NKX2-2: variants seen among roughly 807,000 people sequenced by gnomAD.
NKX2-2 encodes homeobox protein Nkx-2.2.
In NKX2-2, 8 loss-of-function variants were observed where a neutral mutation model predicts 24.6. The observed-to-expected ratio is 0.32, with a 90% CI of 0.19 to 0.59. NKX2-2 has a LOEUF of 0.59. Among genes scored for constraint, NKX2-2 ranks in the 20% least tolerant of loss-of-function variants. The probability of loss-of-function intolerance (pLI) is 0.86; values close to 1 mark genes in which losing one functional copy is unlikely to be tolerated. For synonymous variants in NKX2-2, 217 were observed against 173.3 expected (o/e 1.25, Z -1.98); for missense variants, 381 against 373.9 (o/e 1.02, Z -0.16).
chr20:21,521,446 C>T, the NKX2-2 span, among the ~76,000 whole-genome samples: 1 of 152,098 alleles, frequency 6.6e-6, no homozygotes, highest in Non-Finnish European at 1.5e-5. Flanking sequence ...CACTCGCCTC[C>T]CAAACTCCAG....
In NKX2-2 at chr20:21,511,425, T is replaced by G. The variant is rs117031945; in HGVS notation, c.*498A>C. 1 of 152,896 alleles carries G rather than the reference T, an allele frequency of 6.5e-6. No homozygotes were observed. Among genetic ancestry groups the G allele is most frequent in the Non-Finnish European group, 1.5e-5 (1 of 68,204 alleles). The allele number at this position is 152,896 out of a possible 1,614,324, so 9.5% of individuals were successfully genotyped here. On this transcript the variant is annotated 3_prime_UTR_variant, in exon 2 of 2. Coordinates refer to ENST00000377142, the MANE Select transcript of NKX2-2 (RefSeq NM_002509.4). ...AGAACGTTTACATGGCCATAAATAT[T>G]TAGCATTTTCTTATTTTTTTTTAAA...
chr20:21,513,449 G>T lies in NKX2-2; in HGVS notation c.221C>A (p.Thr74Lys), dbSNP rs776662702. The change falls in exon 1 of 2, where the codon ACG (threonine) becomes AAG (lysine). Residue 74 changes from threonine (T) to lysine (K), a missense_variant. This residue lies in a region of NKX2-2 where 206 missense variants were observed against 173.1 expected (regional missense o/e 1.19). Coordinates refer to ENST00000377142, the MANE Select transcript of NKX2-2 (RefSeq NM_002509.4). This position sits in a 1 kb window ranked among gnomAD's most constrained non-coding sequence, Gnocchi z 4.6. ...GCCCTCGGTGCTGGCCAGCCAGCGC[G>T]TGTACGGGTTGTCGCTGCTGTCGTA... ...PFYDSSDNPYTRWLASTEGLQ... is the reference protein window; with the variant it reads ...PFYDSSDNPYKRWLASTEGLQ... 1 of 1,600,434 alleles carries T rather than the reference G, an allele frequency of 6.2e-7. No individual in the cohort carries two copies. Among genetic ancestry groups the T allele is most frequent in the South Asian group, 1.1e-5 (1 of 88,524 alleles).
At chr20:21,519,729 A>G in the NKX2-2 span, among the ~76,000 whole-genome samples, 1 of 152,212 alleles carries the variant, frequency 6.6e-6, no homozygotes, top group Admixed American at 6.5e-5. Flanking sequence ...CCAGAAAATG[A>G]AAATCCATCC....
At chr20:21,515,158 A>G (rs575030748), upstream of NKX2-2, among the ~76,000 whole-genome samples, 3 of 152,132 alleles carry the variant, frequency 2.0e-5, no homozygotes, top group Admixed American at 2.0e-4. Flanking sequence ...AGGAAAGGGC[A>G]GACGGCCCTG....
At chr20:21,514,873 C>T (rs1398770662), upstream of NKX2-2, among the ~76,000 whole-genome samples, 2 of 152,238 alleles carry the variant, frequency 1.3e-5, no homozygotes, top group African/African-American at 2.4e-5. Flanking sequence ...AGCTCCGCTC[C>T]GGGCCGGCCA....
upstream of NKX2-2, among the ~76,000 whole-genome samples, chr20:21,514,615 G>C (rs928885737): frequency 1.3e-5 from 2 of 152,024 alleles, no homozygotes; most frequent in African/African-American, 4.8e-5. Context: ...CCCACCCCCG[G>C]CAAGCCGGAA....
At chr20:21,517,478 C>T (rs1474221867), upstream of NKX2-2, among the ~76,000 whole-genome samples, 7 of 152,232 alleles carry the variant, frequency 4.6e-5, no homozygotes, top group Non-Finnish European at 7.3e-5. Context: ...GTTCCCGCGT[C>T]CATTTCCAGA....
Position 21,512,286 on chromosome 20 carries a change from C to A in NKX2-2, c.459G>T (p.Leu153=), listed in dbSNP as rs1238749869. ...LERRFRQQRY[L]SAPEREHLAS... is the part of the protein sequence containing the mutation. The stretch of plus-strand genomic sequence containing the variant: ...CCAGGTGTTCGCGCTCGGGCGCCGA[C>A]AGGTACCGCTGCTGCCGAAAGCGCC... The change falls in exon 2 of 2, where the codon CTG becomes CTT. Residue 153 remains leucine, a synonymous_variant. Transcript: ENST00000377142. 7.6e-5 allele frequency: 122 copies of A among 1,613,500 alleles called. No individual in the cohort carries two copies. Among genetic ancestry groups the A allele is most frequent in the Non-Finnish European group, 1.0e-4 (121 of 1,179,942 alleles).
upstream of NKX2-2, among the ~76,000 whole-genome samples, chr20:21,515,603 G>C (rs1044466554): frequency 6.6e-6 from 1 of 151,876 alleles, no homozygotes; most frequent in Non-Finnish European, 1.5e-5. Flanking sequence ...TTTTTGGGGG[G>C]GGGGTGCAGG....
At chr20:21,519,907 G>A in the NKX2-2 span, among the ~76,000 whole-genome samples, 10 of 152,198 alleles carry the variant, frequency 6.6e-5, no homozygotes, top group African/African-American at 2.4e-4. Context: ...TCTCTGGCAG[G>A]AGAGACTCAC....
rs71182305 is a variant in NKX2-2, at chr20:21,511,262, C to CAAAAAACAAAAACAAAAAA, written c.*660_*661insTTTTTTGTTTTTGTTTTTT. 6.6e-6 allele frequency: 1 copy of CAAAAAACAAAAACAAAAAA among 150,708 alleles called. No individual in the cohort carries two copies. The highest frequency in any genetic ancestry group is 2.4e-5 in the African/African-American group (1 of 40,996). The allele number at this position is 150,708 out of a possible 1,614,324, so 9.3% of individuals were successfully genotyped here. A position where few individuals can be genotyped will look rare whatever the true frequency, so the allele number is the denominator to read the frequency against. ...GCAGGGGAAAACGCAAAAACAAAAA[C>CAAAAAACAAAAACAAAAAA]AAAACAAAAAACAAACCCAAACAAG... On this transcript the variant is annotated 3_prime_UTR_variant, in exon 2 of 2. Transcript: ENST00000377142.
chr20:21,522,356 G>A, the NKX2-2 span, among the ~76,000 whole-genome samples: 2 of 152,168 alleles, frequency 1.3e-5, no homozygotes, highest in Non-Finnish European at 2.9e-5. Flanking sequence ...CCTCTCTGCT[G>A]GCAGGCCGCG....
Position 21,512,518 on chromosome 20 carries a change from C to T in NKX2-2, c.260-33G>A, listed in dbSNP as rs182520271. On this transcript the variant is annotated intron_variant, in intron 1 of 1. Coordinates refer to ENST00000377142, the MANE Select transcript of NKX2-2 (RefSeq NM_002509.4). ...GAGGGGGAGAGAGAAGCGCGTCAGGCGTCTGGAGGCCGCGCGCAGCCTGCA... is the reference window on the plus strand; with the variant it reads ...GAGGGGGAGAGAGAAGCGCGTCAGGTGTCTGGAGGCCGCGCGCAGCCTGCA... The T allele has an allele frequency of 3.8e-5, 56 of 1,461,542 alleles. No homozygotes were observed. The East Asian group carries it at 1.1e-3, about 28-fold the overall frequency. 90.5% of individuals were successfully genotyped at this position (1,461,542 alleles called of 1,614,324 possible).
chr20:21,520,656 AG>A, the NKX2-2 span, among the ~76,000 whole-genome samples: 1 of 152,142 alleles, frequency 6.6e-6, no homozygotes, highest in Admixed American at 6.5e-5. Context: ...CCTAGCTTTA[AG>A]CCCCCCTCGG....
In NKX2-2 at chr20:21,513,326, C is replaced by T; in HGVS notation, c.259+85G>A. The T allele has an allele frequency of 1.4e-6, 2 of 1,415,704 alleles. No homozygotes were observed. The highest frequency in any genetic ancestry group is 1.6e-5 in the South Asian group (1 of 64,100). 87.7% of individuals were successfully genotyped at this position (1,415,704 alleles called of 1,614,324 possible). On this transcript the variant is annotated intron_variant, in intron 1 of 1. Coordinates refer to ENST00000377142, the MANE Select transcript of NKX2-2 (RefSeq NM_002509.4). This position sits in a 1 kb window ranked among gnomAD's most constrained non-coding sequence, Gnocchi z 4.6. ...GGGTCCGGGCTTACATGGCCCCTTC[C>T]CCTTTCACTCCCAGCGTCCAACCCG...
At chr20:21,522,582 C>A in the NKX2-2 span, among the ~76,000 whole-genome samples, 1 of 152,028 alleles carries the variant, frequency 6.6e-6, no homozygotes, top group Non-Finnish European at 1.5e-5. Context: ...GCGACTGCGC[C>A]GCTGGAGCCT....
At chr20:21,519,061 G>A (rs1980709433), upstream of NKX2-2, among the ~76,000 whole-genome samples, 1 of 152,142 alleles carries the variant, frequency 6.6e-6, no homozygotes, top group Admixed American at 6.5e-5. Flanking sequence ...AAGAGGGGGC[G>A]ACCTTGAGGA....
At chr20:21,522,659 G>A in the NKX2-2 span, among the ~76,000 whole-genome samples, 1 of 151,562 alleles carries the variant, frequency 6.6e-6, no homozygotes, top group South Asian at 2.1e-4. Context: ...CGGAGTCGCG[G>A]GCGGTCGGGC....
At chr20:21,518,498 C>T (rs1369520988), upstream of NKX2-2, among the ~76,000 whole-genome samples, 1 of 152,182 alleles carries the variant, frequency 6.6e-6, no homozygotes, top group African/African-American at 2.4e-5. Context: ...GTTCAGGCGG[C>T]TGGAGCGGGC....
Sources: allele counts gnomAD v4.1 joint callset (sites outside exome capture counted in the v4.1 genomes callset), GRCh38; gene constraint gnomAD v4.1.1; regional missense constraint gnomAD v4.1.1; non-coding constraint Gnocchi (gnomAD v3.1); transcripts MANE v1.5; gene names NCBI Gene and HGNC (gene_info 2026-07-23, HGNC 2026-07-21).